MRPL48: variants seen among roughly 807,000 people sequenced by gnomAD.
The protein encoded by MRPL48 is large ribosomal subunit protein mL48.
A neutral mutation model predicts 32.9 loss-of-function variants in MRPL48; 16 were observed. The ratio of observed to expected loss-of-function variants is 0.49; its 90% CI spans 0.33 to 0.74. The LOEUF is 0.74. Ranked by LOEUF, MRPL48 falls within the 30% of genes least tolerant of loss-of-function variation. The pLI is 0.02. For synonymous variants in MRPL48, 94 were observed against 89.2 expected (o/e 1.05, Z -0.31); for missense variants, 206 against 245.3 (o/e 0.84, Z 1.07).
chr11:73,835,846 C>T (rs547717593), intron 4 of MRPL48, among the ~76,000 whole-genome samples: 1 of 152,192 alleles, frequency 6.6e-6, no homozygotes, highest in South Asian at 2.1e-4. Context: ...TGCAGTGAGT[C>T]GAGATCATGC....
chr11:73,798,341 G>A (rs183887651), intron 1 of MRPL48, among the ~76,000 whole-genome samples: 7 of 152,126 alleles, frequency 4.6e-5, no homozygotes, highest in East Asian at 1.9e-4. Flanking sequence ...TGATCTGCTC[G>A]CCTCAGCCTC....
At chr11:73,859,836 T>C (rs1323087547) in intron 5 of MRPL48, 71 bp from the exon 6 acceptor site, 3 of 1,307,500 alleles carry the variant, frequency 2.3e-6, no homozygotes, top group South Asian at 2.5e-5. Flanking sequence ...GCTATACTCA[T>C]GGACTACTAT....
At chr11:73,800,256 T>A (rs1947334215) in intron 1 of MRPL48, among the ~76,000 whole-genome samples, 1 of 151,588 alleles carries the variant, frequency 6.6e-6, no homozygotes, top group Non-Finnish European at 1.5e-5. Context: ...AAAAAAAAAA[T>A]TAAAAAGACA....
chr11:73,859,491 G>C (rs1298251311), intron 5 of MRPL48, among the ~76,000 whole-genome samples: 1 of 151,862 alleles, frequency 6.6e-6, no homozygotes, highest in Admixed American at 6.6e-5. Flanking sequence ...GTGTTGCCCA[G>C]GCTGGTCTTG....
intron 3 of MRPL48, among the ~76,000 whole-genome samples, chr11:73,819,888 T>C (rs1263642977): frequency 3.9e-5 from 6 of 152,158 alleles, no homozygotes; most frequent in Admixed American, 3.9e-4. Flanking sequence ...ACAGAGCGGT[T>C]CCTGTCTCAA....
chr11:73,815,908 T>G (rs1947659773), intron 3 of MRPL48, among the ~76,000 whole-genome samples: 1 of 149,704 alleles, frequency 6.7e-6, no homozygotes, highest in Non-Finnish European at 1.5e-5. Flanking sequence ...TTTTTTTTTA[T>G]AGAGACAGGG....
intron 5 of MRPL48, among the ~76,000 whole-genome samples, chr11:73,856,602 A>G (rs1386955592): frequency 6.6e-6 from 1 of 152,200 alleles, no homozygotes; most frequent in Non-Finnish European, 1.5e-5. Flanking sequence ...CTCTGCTAAG[A>G]GTAAAAGCAT....
rs1947169836 is a variant in MRPL48 at position 73,792,470 on chromosome 11, G to T, written c.21+4478G>T. Among the ~76,000 whole-genome samples, 6 of 152,280 alleles carry T rather than the reference G, an allele frequency of 3.9e-5. No individual in the cohort carries two copies. The South Asian group carries it at 1.2e-3, about 32-fold the overall frequency. On this transcript the variant is annotated intron_variant, in intron 1 of 7. Transcript: ENST00000310614. The stretch of plus-strand genomic sequence containing the variant: ...ATGTCAGCCCAGAAGGAACATCCTT[G>T]GGAACTGATCTCAGAGATAAGATGT...
At position 73,845,889 on chromosome 11, in the gene MRPL48, A is replaced by G. The variant is rs567089534; in HGVS notation, c.371+913A>G. 2.0e-5 allele frequency among the ~76,000 whole-genome samples: 3 copies of G among 152,082 alleles called. No individual in the cohort carries two copies. In the East Asian group the frequency reaches 5.8e-4, roughly 29 times the overall value. ...TCGAGACTAGTTTGGCTAACATGGC[A>G]AAACCCTGTCTCCACTAAAAATACA... On this transcript the variant is annotated intron_variant, in intron 5 of 7. Coordinates refer to ENST00000310614, the MANE Select transcript of MRPL48 (RefSeq NM_016055.6).
At chr11:73,834,119 G>A (rs1948045350) in intron 4 of MRPL48, among the ~76,000 whole-genome samples, 1 of 152,114 alleles carries the variant, frequency 6.6e-6, no homozygotes, top group South Asian at 2.1e-4. Flanking sequence ...AAAGTGTTGG[G>A]ATTACAGGTG....
intron 3 of MRPL48, among the ~76,000 whole-genome samples, chr11:73,818,915 A>G (rs758278540): frequency 1.3e-5 from 2 of 152,194 alleles, no homozygotes; most frequent in African/African-American, 2.4e-5. Flanking sequence ...AATTGTGATA[A>G]TTGAAAGATT....
intron 3 of MRPL48, among the ~76,000 whole-genome samples, chr11:73,816,175 C>T (rs772415873): frequency 1.9e-3 from 293 of 151,850 alleles, no homozygotes; most frequent in Non-Finnish European, 3.3e-3. Flanking sequence ...CATTCTCCTG[C>T]CTCAGCCTCC....
intron 3 of MRPL48, among the ~76,000 whole-genome samples, chr11:73,819,050 G>A (rs2134995697): frequency 6.6e-6 from 1 of 152,270 alleles, no homozygotes; most frequent in African/African-American, 2.4e-5. Flanking sequence ...TGACACAGGG[G>A]AAAAGAATTC....
In MRPL48 at chr11:73,787,889, T is replaced by G; in HGVS notation, c.-83T>G. The G allele has an allele frequency of 6.5e-7, 1 of 1,542,402 alleles. No individual in the cohort carries two copies. Among genetic ancestry groups the G allele is most frequent in the East Asian group, 2.4e-5 (1 of 41,290 alleles). On this transcript the variant is annotated 5_prime_UTR_variant, in exon 1 of 8. Transcript: ENST00000310614. ...GCTGCACCTGGTCAAGGCCGTTCCT[T>G]CAGTGTTTTCAGACGCCCTGGGAAC... is the stretch of plus-strand genomic sequence containing the variant.
At chr11:73,862,462 G>A (rs1263233835) in intron 6 of MRPL48, among the ~76,000 whole-genome samples, 3 of 152,104 alleles carry the variant, frequency 2.0e-5, no homozygotes, top group East Asian at 1.9e-4. Context: ...AGCCAGGCAT[G>A]GTGGCAGGCA....
At chr11:73,818,628 G>A (rs1947717264) in intron 3 of MRPL48, among the ~76,000 whole-genome samples, 1 of 152,256 alleles carries the variant, frequency 6.6e-6, no homozygotes. Context: ...GCCCTGGAGG[G>A]CCTTACAGTC....
intron 4 of MRPL48, among the ~76,000 whole-genome samples, chr11:73,827,144 G>A (rs892091036): frequency 6.6e-6 from 1 of 151,984 alleles, no homozygotes; most frequent in Non-Finnish European, 1.5e-5. Flanking sequence ...CAGCAATTTG[G>A]GAAGCTGAGG....
At chr11:73,819,518 G>A (rs1232600826) in intron 3 of MRPL48, among the ~76,000 whole-genome samples, 1 of 152,148 alleles carries the variant, frequency 6.6e-6, no homozygotes, top group African/African-American at 2.4e-5. Flanking sequence ...AACTCTTGAT[G>A]ATCTTACCTA....
intron 3 of MRPL48, among the ~76,000 whole-genome samples, chr11:73,818,256 A>AG (rs1947711578): frequency 6.6e-6 from 1 of 152,128 alleles, no homozygotes; most frequent in Non-Finnish European, 1.5e-5. Context: ...CTATCCAAGG[A>AG]GGGGCTTGAT....
Sources: gnomAD v4.1 joint callset for allele counts (sites outside exome capture counted in the v4.1 genomes callset) on GRCh38, gnomAD v4.1.1 for gene constraint, MANE v1.5 for transcripts, NCBI Gene and HGNC (gene_info 2026-07-23, HGNC 2026-07-21) for gene names.